BORCS5: variants seen among roughly 807,000 people sequenced by gnomAD.
The protein encoded by BORCS5 is BLOC-1 related complex subunit 5, also known as BLOC-1-related complex subunit 5.
Under a neutral mutation model 22.1 loss-of-function variants are expected in BORCS5, and 17 were observed. The ratio of observed to expected loss-of-function variants is 0.77; its 90% CI spans 0.53 to 1.15. BORCS5 has a LOEUF of 1.15. Among genes scored for constraint, BORCS5 ranks in the 50% most tolerant of loss-of-function variants. The pLI is 0.00. For missense variants in BORCS5, 247 were observed against 253.2 expected, an observed-to-expected ratio of 0.98 and a Z score of 0.17; for synonymous variants, 117 against 99.8, an observed-to-expected ratio of 1.17 and a Z score of -1.03.
Position 12,357,177 on chromosome 12 carries a change from C to G in BORCS5, c.-275C>G, listed in dbSNP as rs184467411. ...GTGCGGCAAAGCCAGTGTCATCTGC[C>G]GGTTCTCTTAGGGCTCCCGGAAAGA... On this transcript the variant is annotated 5_prime_UTR_variant, in exon 1 of 4. Transcript: ENST00000314565. 1.8e-5 allele frequency: 27 copies of G among 1,525,952 alleles called. No homozygotes were observed. Among genetic ancestry groups the G allele is most frequent in the East Asian group, 7.3e-5 (3 of 40,834 alleles). 94.5% of individuals were successfully genotyped at this position (1,525,952 alleles called of 1,614,324 possible).
chr12:12,407,425 G>C (rs1318996743), intron 2 of BORCS5, among the ~76,000 whole-genome samples: 1 of 150,362 alleles, frequency 6.7e-6, no homozygotes, highest in African/African-American at 2.4e-5. Context: ...GAGGGGTATT[G>C]TGGAATATTT....
Position 12,471,082 on chromosome 12 carries a change from C to T in BORCS5, c.*5306C>T, listed in dbSNP as rs1943292128. ...GTTACCCTATTTGCCTGTCACATTG[C>T]TTCTACCGGCCACATCCTGCATTTC... On this transcript the variant is annotated 3_prime_UTR_variant, in exon 4 of 4. Transcript: ENST00000314565. Among the ~76,000 whole-genome samples, 1 of 152,210 alleles carries T rather than the reference C, an allele frequency of 6.6e-6. No individual in the cohort carries two copies. The highest frequency in any genetic ancestry group is 2.4e-5 in the African/African-American group (1 of 41,452).
intron 2 of BORCS5, among the ~76,000 whole-genome samples, chr12:12,363,496 G>A (rs924923061): frequency 1.3e-5 from 2 of 152,156 alleles, no homozygotes; most frequent in Non-Finnish European, 2.9e-5. Flanking sequence ...AGCACTTTGG[G>A]AGGCCAAGGC....
At chr12:12,389,465 A>C (rs1328391386) in intron 2 of BORCS5, among the ~76,000 whole-genome samples, 1 of 145,312 alleles carries the variant, frequency 6.9e-6, no homozygotes, top group African/African-American at 2.5e-5. Flanking sequence ...ATGCACATTT[A>C]CAATTCTAAT....
chr12:12,359,897 C>T (rs1173366746), intron 1 of BORCS5, among the ~76,000 whole-genome samples: 1 of 151,894 alleles, frequency 6.6e-6, no homozygotes, highest in Non-Finnish European at 1.5e-5. Flanking sequence ...TGACTTTGGG[C>T]AAGTCACAGT....
intron 2 of BORCS5, among the ~76,000 whole-genome samples, chr12:12,386,309 G>A (rs1221752235): frequency 6.8e-6 from 1 of 147,806 alleles, no homozygotes; most frequent in Non-Finnish European, 1.5e-5. Flanking sequence ...CCCCCCATTT[G>A]CTTTTAATCT....
At chr12:12,407,995 C>T (rs1299886724) in intron 2 of BORCS5, among the ~76,000 whole-genome samples, 1 of 152,150 alleles carries the variant, frequency 6.6e-6, no homozygotes, top group Non-Finnish European at 1.5e-5. Context: ...AGGTGTGAGC[C>T]ACCGCGCCTG....
chr12:12,370,422 T>G (rs946877085), intron 2 of BORCS5, among the ~76,000 whole-genome samples: 4 of 152,226 alleles, frequency 2.6e-5, no homozygotes, highest in African/African-American at 9.6e-5. Context: ...AGACATATTG[T>G]GAGACTCCAT....
Position 12,381,075 on chromosome 12 carries a change from G to A in BORCS5, c.202+19726G>A, listed in dbSNP as rs147048681. 7.9e-3 allele frequency among the ~76,000 whole-genome samples: 1,160 copies of A among 146,214 alleles called. 32 individuals carry two copies. The highest frequency in any genetic ancestry group is 0.027 in the African/African-American group (1,061 of 39,122). ...CGCCCAGGCTGGAGTGCACTGGCGC[G>A]ATCTCAGCTCACTGCAAACTCCACC... On this transcript the variant is annotated intron_variant, in intron 2 of 3. Transcript: ENST00000314565.
intron 2 of BORCS5, among the ~76,000 whole-genome samples, chr12:12,407,077 TGAAA>T (rs1236749109): frequency 2.6e-5 from 4 of 152,244 alleles, no homozygotes; most frequent in Non-Finnish European, 5.9e-5. Context: ...TGAGAGCTGT[TGAAA>T]GATTTTCTCA....
At chr12:12,418,014 T>G (rs1942013879) in intron 2 of BORCS5, among the ~76,000 whole-genome samples, 1 of 148,000 alleles carries the variant, frequency 6.8e-6, no homozygotes, top group African/African-American at 2.5e-5. Context: ...ATTTATTTAT[T>G]TATTTATTTA....
chr12:12,373,981 C>CTTTTTTTTTTTT (rs926893487), intron 2 of BORCS5, among the ~76,000 whole-genome samples: 1 of 89,798 alleles, frequency 1.1e-5, no homozygotes, highest in African/African-American at 5.0e-5. Context: ...AGAGAGTATT[C>CTTTTTTTTTTTT]TTTTTTTTTT....
At chr12:12,407,932 ACTC>A (rs913960876) in intron 2 of BORCS5, among the ~76,000 whole-genome samples, 1 of 150,446 alleles carries the variant, frequency 6.6e-6, no homozygotes, top group Non-Finnish European at 1.5e-5. Flanking sequence ...CTGGTCTCAA[ACTC>A]CTAGGCTCAA....
intron 2 of BORCS5, among the ~76,000 whole-genome samples, chr12:12,409,968 C>A (rs1271104166): frequency 2.6e-5 from 4 of 152,338 alleles, no homozygotes; most frequent in Admixed American, 2.6e-4. Flanking sequence ...ATTTTCATTT[C>A]TCTGATGGCC....
At chr12:12,402,391 T>G (rs1941501003) in intron 2 of BORCS5, among the ~76,000 whole-genome samples, 1 of 152,206 alleles carries the variant, frequency 6.6e-6, no homozygotes, top group Non-Finnish European at 1.5e-5. Flanking sequence ...GTGGCAAATT[T>G]GTCTCTTACC....
intron 2 of BORCS5, among the ~76,000 whole-genome samples, chr12:12,374,422 C>G (rs931486294): frequency 1.1e-4 from 17 of 150,980 alleles, no homozygotes; most frequent in African/African-American, 4.1e-4. Flanking sequence ...TACTTGAGCC[C>G]AGAAGTTTGA....
intron 2 of BORCS5, among the ~76,000 whole-genome samples, chr12:12,365,543 C>T (rs1863389538): frequency 6.6e-6 from 1 of 151,204 alleles, no homozygotes; most frequent in Admixed American, 6.6e-5. Flanking sequence ...CCAACCCCCA[C>T]TTGATGAGAG....
intron 2 of BORCS5, among the ~76,000 whole-genome samples, chr12:12,374,817 G>C (rs1476243342): frequency 4.0e-5 from 6 of 151,534 alleles, no homozygotes; most frequent in Admixed American, 3.9e-4. Flanking sequence ...AATTAACCGG[G>C]CGTGGTGGCG....
At chr12:12,383,927 G>T (rs924014916) in intron 2 of BORCS5, among the ~76,000 whole-genome samples, 1 of 151,068 alleles carries the variant, frequency 6.6e-6, no homozygotes. Context: ...TGGCATGTTT[G>T]TTGTTGTTGC....
Sources: allele counts gnomAD v4.1 joint callset (sites outside exome capture counted in the v4.1 genomes callset), GRCh38; gene constraint gnomAD v4.1.1; transcripts MANE v1.5; gene names NCBI Gene and HGNC (gene_info 2026-07-23, HGNC 2026-07-21).